AK8: variants seen among roughly 807,000 people sequenced by gnomAD.
The protein encoded by AK8 is adenylate kinase 8, also known as ATP-AMP transphosphorylase 8.
AK8 carries 44 observed loss-of-function variants against 54.6 expected under a neutral mutation model. The ratio of observed to expected loss-of-function variants is 0.81; its 90% confidence interval spans 0.63 to 1.04. The LOEUF is 1.04. Among genes scored for constraint, AK8 ranks in the 50% least tolerant of loss-of-function variants. The probability of loss-of-function intolerance (pLI) is 0.00; values close to 1 mark genes in which losing one functional copy is unlikely to be tolerated. For synonymous variants in AK8, 239 were observed against 245.6 expected, an observed-to-expected ratio of 0.97 and a Z score of 0.25; for missense variants, 555 against 613.6, an observed-to-expected ratio of 0.90 and a Z score of 1.01.
rs113535263 is a variant in AK8 at position 132,790,311 on chromosome 9, C to T, written c.1121+2323G>A. 0.019 allele frequency among the ~76,000 whole-genome samples: 2,944 copies of T among 151,610 alleles called. 88 individuals carry two copies. Among genetic ancestry groups the T allele is most frequent in the African/African-American group, 0.065 (2,665 of 41,238 alleles). ...TGTCGCTCAGGCTGGAGCGCAGTGG[C>T]GTGATCTCAGCTCACTGCAAACTCC... is the stretch of plus-strand genomic sequence containing the variant. On this transcript the variant is annotated intron_variant, in intron 11 of 12. Transcript: ENST00000298545. This position sits in a 1 kb window ranked among gnomAD's most constrained non-coding sequence, Gnocchi z 4.1.
At chr9:132,866,602 A>G (rs1298168243) in intron 3 of AK8, among the ~76,000 whole-genome samples, 1 of 152,174 alleles carries the variant, frequency 6.6e-6, no homozygotes, top group Admixed American at 6.6e-5. Context: ...AACGTACCCT[A>G]AGGATATAGC....
rs1455073843 is a variant in AK8 at position 132,730,130 on chromosome 9, G to T, written c.1122-2596C>A. Among the ~76,000 whole-genome samples the T allele has an allele frequency of 2.0e-5, 3 of 152,294 alleles. No homozygotes were observed. In the East Asian group the frequency reaches 5.8e-4, roughly 29 times the overall value. On this transcript the variant is annotated intron_variant, in intron 11 of 12. Transcript: ENST00000298545. ...CCTATGGGTGCCAAGCTGACAACAC[G>T]GTGGGAGGCTTTTCTGTTCGTTTCA...
At chr9:132,735,886 C>G (rs1213294206) in intron 11 of AK8, among the ~76,000 whole-genome samples, 4 of 152,216 alleles carry the variant, frequency 2.6e-5, no homozygotes, top group South Asian at 4.1e-4. Context: ...AACAGGGACA[C>G]GTTCTGAGAA....
chr9:132,804,616 C>T (rs112933926), intron 10 of AK8, among the ~76,000 whole-genome samples: 1 of 152,112 alleles, frequency 6.6e-6, no homozygotes, highest in Non-Finnish European at 1.5e-5. Flanking sequence ...TCTCTTCCCT[C>T]GCCTCTCCCC....
chr9:132,849,426 G>A (rs755364542), intron 5 of AK8, among the ~76,000 whole-genome samples: 14 of 152,268 alleles, frequency 9.2e-5, no homozygotes, highest in Non-Finnish European at 2.1e-4. Flanking sequence ...GAGCTGAGTC[G>A]TTGTGACAGA....
At chr9:132,806,330 C>T (rs906865778) in intron 10 of AK8, among the ~76,000 whole-genome samples, 4 of 152,152 alleles carry the variant, frequency 2.6e-5, no homozygotes, top group African/African-American at 9.7e-5. Context: ...AATAAAGGCT[C>T]CTGTTCCCCC....
At chr9:132,739,849 C>G (rs955402632) in intron 11 of AK8, among the ~76,000 whole-genome samples, 3 of 152,256 alleles carry the variant, frequency 2.0e-5, no homozygotes, top group Admixed American at 6.5e-5. Flanking sequence ...GTCCAGGCCC[C>G]AAGGGGGAGG....
At chr9:132,805,643 A>G (rs1840685124) in intron 10 of AK8, among the ~76,000 whole-genome samples, 1 of 152,088 alleles carries the variant, frequency 6.6e-6, no homozygotes, top group Non-Finnish European at 1.5e-5. Context: ...AAAATCAAAG[A>G]GAAGGACCCT....
intron 5 of AK8, among the ~76,000 whole-genome samples, chr9:132,849,781 T>C (rs1163543331): frequency 6.6e-6 from 1 of 152,228 alleles, no homozygotes; most frequent in African/African-American, 2.4e-5. Context: ...AGGGTCTTGC[T>C]CTGTCACTCA....
chr9:132,746,309 G>A (rs1837651716), intron 11 of AK8, among the ~76,000 whole-genome samples: 1 of 152,176 alleles, frequency 6.6e-6, no homozygotes, highest in Non-Finnish European at 1.5e-5. Flanking sequence ...ATGAAAGAAT[G>A]TATTTTACTC....
intron 5 of AK8, among the ~76,000 whole-genome samples, chr9:132,840,417 C>CAA (rs1842492397): frequency 6.6e-6 from 1 of 150,630 alleles, no homozygotes; most frequent in Admixed American, 6.6e-5. Context: ...CACACACACA[C>CAA]ACACACACAC....
intron 11 of AK8, among the ~76,000 whole-genome samples, chr9:132,775,993 G>C (rs556630955): frequency 1.3e-5 from 2 of 152,320 alleles, no homozygotes; most frequent in African/African-American, 4.8e-5. Context: ...CCTAGCAACA[G>C]GCTGTCATAA....
At chr9:132,741,049 G>A (rs1224130127) in intron 11 of AK8, among the ~76,000 whole-genome samples, 2 of 152,136 alleles carry the variant, frequency 1.3e-5, no homozygotes, top group Non-Finnish European at 2.9e-5. Flanking sequence ...GCCACATGGT[G>A]GGAGTGCCTT....
intron 11 of AK8, among the ~76,000 whole-genome samples, chr9:132,759,195 CAAA>C (rs11354456): frequency 7.3e-5 from 6 of 82,756 alleles, no homozygotes; most frequent in Admixed American, 1.3e-4. Context: ...GACCTGGTCT[CAAA>C]AAAAAAAAAA....
chr9:132,734,592 GC>G (rs1043085411), intron 11 of AK8, among the ~76,000 whole-genome samples: 26 of 152,202 alleles, frequency 1.7e-4, no homozygotes, highest in African/African-American at 6.3e-4. Flanking sequence ...TTAAAAATTA[GC>G]CCAGTGTGGT....
At chr9:132,814,817 G>GA in intron 9 of AK8, 90 bp from the exon 10 acceptor site, 2 of 1,124,736 alleles carry the variant, frequency 1.8e-6, no homozygotes, top group Non-Finnish European at 2.5e-6. Context: ...GCCTGCTGAG[G>GA]GAAAAAAAAA....
chr9:132,786,627 C>T (rs1278398378), intron 11 of AK8, among the ~76,000 whole-genome samples: 1 of 152,160 alleles, frequency 6.6e-6, no homozygotes, highest in Non-Finnish European at 1.5e-5. Context: ...AATTTTATCA[C>T]CCCAATGATA....
rs1427391969 is a variant in AK8 at position 132,860,390 on chromosome 9, T to G, written c.333+3275A>C. 6.6e-6 allele frequency among the ~76,000 whole-genome samples: 1 copy of G among 152,190 alleles called. No homozygotes were observed. Among genetic ancestry groups the G allele is most frequent in the Admixed American group, 6.5e-5 (1 of 15,284 alleles). ...CGGAAATAAATGAAGACCTCCCAAA[T>G]GAGACAAGCCAAGGCTGTTTACTCA... is the stretch of plus-strand genomic sequence containing the variant. On this transcript the variant is annotated intron_variant, in intron 4 of 12. Coordinates refer to ENST00000298545, the MANE Select transcript of AK8 (RefSeq NM_152572.3). The surrounding 1 kb of genome is among the most constrained non-coding windows in gnomAD (Gnocchi z 4.4).
chr9:132,864,054 G>A (rs938228294), intron 3 of AK8, among the ~76,000 whole-genome samples: 7 of 152,302 alleles, frequency 4.6e-5, no homozygotes, highest in South Asian at 2.1e-4. Flanking sequence ...TGCCCTTGGC[G>A]TGCTTTCCAA....
Sources: gnomAD v4.1 joint callset for allele counts (sites outside exome capture counted in the v4.1 genomes callset) on GRCh38, gnomAD v4.1.1 for gene constraint, Gnocchi (gnomAD v3.1) non-coding constraint, MANE v1.5 for transcripts, NCBI Gene and HGNC (gene_info 2026-07-23, HGNC 2026-07-21) for gene names.